TESK2: variants seen among roughly 807,000 people sequenced by gnomAD.
The protein encoded by TESK2 is dual specificity testis-specific protein kinase 2.
A neutral mutation model predicts 57.1 loss-of-function variants in TESK2; 39 were observed. The observed-to-expected ratio is 0.68, with a 90% CI of 0.53 to 0.89. The LOEUF (loss-of-function observed/expected upper bound fraction) is 0.89. TESK2 is among the 40% of genes least tolerant of loss of function. The pLI, the probability that TESK2 is intolerant of heterozygous loss-of-function variation, is 0.00. For missense variants in TESK2, 646 were observed against 732.1 expected (o/e 0.88, Z 1.36); for synonymous variants, 249 against 267.9 (o/e 0.93, Z 0.69).
chr1:45,418,947 G>A lies in TESK2; in HGVS notation c.344+2778C>T, dbSNP rs531438099. On this transcript the variant is annotated intron_variant, in intron 3 of 10. Coordinates refer to ENST00000372086, the MANE Select transcript of TESK2 (RefSeq NM_007170.3). ...TAATTTAAAAAAAAATTCAAAGTCCGGTTCAAGTCCCCTCCTAGAAGGCTT... is the reference window on the plus strand; with the variant it reads ...TAATTTAAAAAAAAATTCAAAGTCCAGTTCAAGTCCCCTCCTAGAAGGCTT... Among the ~76,000 whole-genome samples, 59 of 150,640 alleles carry A rather than the reference G, an allele frequency of 3.9e-4. 1 individual carries two copies. In the Middle Eastern group the frequency reaches 0.035, roughly 89 times the overall value.
chr1:45,457,871 A>G lies in TESK2; in HGVS notation c.-86T>C, dbSNP rs757035401. Reference sequence around the variant, plus strand: ...AATTTTACTTCTCTTCTGGTTTGACACTAAAGAGATCAAAAAAATTTCCAC... The same window carrying G: ...AATTTTACTTCTCTTCTGGTTTGACGCTAAAGAGATCAAAAAAATTTCCAC... On this transcript the variant is annotated splice_region_variant and 5_prime_UTR_variant, in exon 2 of 11. Transcript: ENST00000372086. 33 of 1,178,318 alleles carry G rather than the reference A, an allele frequency of 2.8e-5. No homozygotes were observed. The highest frequency in any genetic ancestry group is 4.0e-5 in the Non-Finnish European group (33 of 832,012). The allele number at this position is 1,178,318 out of a possible 1,614,324, so 73.0% of individuals were successfully genotyped here. A position where few individuals can be genotyped will look rare whatever the true frequency, so the allele number is the denominator to read the frequency against.
In TESK2 at chr1:45,347,982, C is replaced by T. The variant is rs1295279208; in HGVS notation, c.559G>A (p.Asp187Asn). Residue 187 changes from aspartate to asparagine, a missense_variant, in exon 6 of 11, where the codon GAT (aspartate) becomes AAT (asparagine). Coordinates refer to ENST00000372086, the MANE Select transcript of TESK2 (RefSeq NM_007170.3). ...LTSKNCLIKR[D>N]ENGYSAVVAD... Reference sequence around the variant, plus strand: ...ACCACTGCAGAGTAACCATTCTCATCCCTCTTTATCAGGCAGTTCTAGGGT... The same window carrying T: ...ACCACTGCAGAGTAACCATTCTCATTCCTCTTTATCAGGCAGTTCTAGGGT... 1 of 1,613,214 alleles carries T rather than the reference C, an allele frequency of 6.2e-7. No individual in the cohort carries two copies. Among genetic ancestry groups the T allele is most frequent in the Admixed American group, 1.7e-5 (1 of 60,018 alleles).
At chr1:45,394,752 C>T (rs188812822) in intron 3 of TESK2, among the ~76,000 whole-genome samples, 2 of 122,512 alleles carry the variant, frequency 1.6e-5, no homozygotes, top group Admixed American at 2.1e-4. Flanking sequence ...AGTACAATGG[C>T]TCAGTCTTGG....
At chr1:45,432,131 C>T (rs1332152485) in intron 2 of TESK2, among the ~76,000 whole-genome samples, 3 of 151,776 alleles carry the variant, frequency 2.0e-5, no homozygotes, top group Non-Finnish European at 4.4e-5. Flanking sequence ...TGTCTGTGGT[C>T]CCAGATACTT....
At chr1:45,482,310 T>C (rs935695321) in intron 1 of TESK2, among the ~76,000 whole-genome samples, 5 of 152,000 alleles carry the variant, frequency 3.3e-5, no homozygotes, top group African/African-American at 1.2e-4. Flanking sequence ...GGAGGATTGC[T>C]TGAGCCCAGG....
intron 2 of TESK2, among the ~76,000 whole-genome samples, chr1:45,448,040 G>GA (rs750127075): frequency 7.4e-6 from 1 of 134,784 alleles, no homozygotes; most frequent in African/African-American, 2.7e-5. Context: ...TGTGTATTTT[G>GA]TTTTTTTTTT....
At chr1:45,468,166 C>T (rs1002136807) in intron 1 of TESK2, among the ~76,000 whole-genome samples, 7 of 146,594 alleles carry the variant, frequency 4.8e-5, no homozygotes, top group African/African-American at 1.0e-4. Context: ...ATAGAGCAAA[C>T]GTCTGTCTCA....
At chr1:45,375,432 T>TTC (rs1481170607) in intron 4 of TESK2, among the ~76,000 whole-genome samples, 5 of 151,832 alleles carry the variant, frequency 3.3e-5, no homozygotes, top group Non-Finnish European at 7.4e-5. Flanking sequence ...CCTTTTTTTT[T>TTC]TTTTTTTGTG....
chr1:45,396,967 C>T (rs1309188593), intron 3 of TESK2, among the ~76,000 whole-genome samples: 11 of 151,036 alleles, frequency 7.3e-5, no homozygotes, highest in Non-Finnish European at 1.5e-4. Context: ...TACAAGCGTG[C>T]ACCACCATGC....
chr1:45,441,144 A>G (rs962062364), intron 2 of TESK2, among the ~76,000 whole-genome samples: 3 of 152,046 alleles, frequency 2.0e-5, no homozygotes, highest in Admixed American at 2.0e-4. Flanking sequence ...TTGTGGTAAT[A>G]TTGCTTTGTT....
rs777684207 is a variant in TESK2 at position 45,345,022 on chromosome 1, C to T, written c.1534G>A (p.Ala512Thr). 9.9e-6 allele frequency: 16 copies of T among 1,614,126 alleles called. No homozygotes were observed. The highest frequency in any genetic ancestry group is 5.0e-5 in the Admixed American group (3 of 60,006). ...SALPAAQAHE[A>T]MDCSILQEEN... Reference sequence around the variant, plus strand: ...TCCTGGAGAATGGAGCAGTCCATAGCCTCATGGGCTTGAGCAGCTGGTAGG... The same window carrying T: ...TCCTGGAGAATGGAGCAGTCCATAGTCTCATGGGCTTGAGCAGCTGGTAGG... Residue 512 changes from alanine to threonine, a missense_variant, in exon 11 of 11, where the codon GCT becomes ACT. Physicochemically the swap from Ala to Thr is moderately conservative, Grantham distance 58 (BLOSUM62 0). Transcript: ENST00000372086.
At chr1:45,438,294 G>A (rs1177772647) in intron 2 of TESK2, among the ~76,000 whole-genome samples, 2 of 152,104 alleles carry the variant, frequency 1.3e-5, no homozygotes, top group South Asian at 4.1e-4. Flanking sequence ...TCAGGAGTTC[G>A]AGACCAACCT....
intron 5 of TESK2, among the ~76,000 whole-genome samples, chr1:45,352,977 C>T (rs2149264300): frequency 6.6e-6 from 1 of 152,204 alleles, no homozygotes; most frequent in Non-Finnish European, 1.5e-5. Flanking sequence ...CGGCTCACCA[C>T]AGCCACCATC....
chr1:45,422,839 G>A lies in TESK2; in HGVS notation c.223-993C>T, dbSNP rs1471325132. The stretch of plus-strand genomic sequence containing the variant: ...GGCTAGAGTGCAGTGGCGTGATCTC[G>A]GCTCACTGAAACCTCCACCTTCCGG... On this transcript the variant is annotated intron_variant, in intron 2 of 10. Coordinates refer to ENST00000372086, the MANE Select transcript of TESK2 (RefSeq NM_007170.3). Among the ~76,000 whole-genome samples the A allele has an allele frequency of 3.4e-5, 5 of 148,450 alleles. No individual in the cohort carries two copies. In the East Asian group the frequency reaches 8.1e-4, roughly 24 times the overall value.
In TESK2 at chr1:45,453,766, G is replaced by A. The variant is rs61788286; in HGVS notation, c.222+3798C>T. 7.1e-3 allele frequency among the ~76,000 whole-genome samples: 1,073 copies of A among 152,116 alleles called. 7 individuals are homozygous for A. Among genetic ancestry groups the A allele is most frequent in the Non-Finnish European group, 0.01 (712 of 67,974 alleles). ...TGAAAAGACAAACTACAAATTGTGAGAAAATATTTGCAAATCATATATCTG... is the reference window on the plus strand; with the variant it reads ...TGAAAAGACAAACTACAAATTGTGAAAAAATATTTGCAAATCATATATCTG... On this transcript the variant is annotated intron_variant, in intron 2 of 10. Transcript: ENST00000372086.
chr1:45,396,864 G>C (rs1428279422), intron 3 of TESK2, among the ~76,000 whole-genome samples: 2 of 136,368 alleles, frequency 1.5e-5, no homozygotes, highest in Non-Finnish European at 3.1e-5. Context: ...TGTTGCCCAG[G>C]CTGGAGTGCA....
chr1:45,377,312 T>C (rs1165461192), intron 4 of TESK2, among the ~76,000 whole-genome samples: 2 of 150,948 alleles, frequency 1.3e-5, no homozygotes, highest in East Asian at 3.9e-4. Flanking sequence ...ATCAGAAAGA[T>C]ATCACAAAGA....
At chr1:45,392,212 A>G (rs1419005306) in intron 3 of TESK2, among the ~76,000 whole-genome samples, 1 of 152,168 alleles carries the variant, frequency 6.6e-6, no homozygotes, top group Non-Finnish European at 1.5e-5. Flanking sequence ...CAGCCTCCTG[A>G]GTAGCTGAGA....
chr1:45,384,453 T>G (rs1234890726), intron 4 of TESK2, among the ~76,000 whole-genome samples: 1 of 151,880 alleles, frequency 6.6e-6, no homozygotes, highest in East Asian at 1.9e-4. Flanking sequence ...AGGGTCTCAC[T>G]CTGTTGCCCA....
Sources: allele counts gnomAD v4.1 joint callset (sites outside exome capture counted in the v4.1 genomes callset), GRCh38; gene constraint gnomAD v4.1.1; transcripts MANE v1.5; gene names NCBI Gene and HGNC (gene_info 2026-07-23, HGNC 2026-07-21).